The following MTSS1 variants were observed in gnomAD, a reference collection of about 807,000 sequenced individuals.
The protein encoded by MTSS1 is MTSS I-BAR domain containing 1, also known as protein MTSS 1.
A neutral mutation model predicts 79.0 loss-of-function variants in MTSS1; 18 were observed. The ratio of observed to expected loss-of-function variants is 0.23; its 90% CI spans 0.16 to 0.34. The LOEUF (loss-of-function observed/expected upper bound fraction) is 0.34. Among genes scored for constraint, MTSS1 ranks in the 10% least tolerant of loss-of-function variants. MTSS1 has a pLI of 1.00. For synonymous variants in MTSS1, 341 were observed against 368.6 expected (o/e 0.93, Z 0.86); for missense variants, 815 against 986.2 (o/e 0.83, Z 2.33).
chr8:124,596,309 A>C (rs1832753724), intron 3 of MTSS1, among the ~76,000 whole-genome samples: 1 of 146,664 alleles, frequency 6.8e-6, no homozygotes, highest in Non-Finnish European at 1.5e-5. Context: ...AAGAAATCTA[A>C]GTTGGTCACT....
intron 9 of MTSS1, 63 bp from the exon 10 acceptor site, chr8:124,563,055 AGAGGAAG>A (rs1342902903): frequency 2.1e-6 from 3 of 1,407,292 alleles, no homozygotes; most frequent in Non-Finnish European, 1.9e-6. Flanking sequence ...AGCAGTGGTA[AGAGGAAG>A]GAGGAAGGAG....
intron 4 of MTSS1, 90 bp from the exon 5 acceptor site, chr8:124,589,801 T>G: frequency 2.2e-6 from 2 of 923,794 alleles, no homozygotes; most frequent in Non-Finnish European, 3.5e-6. Context: ...CATACCTAAA[T>G]CACAATTACC....
chr8:124,596,644 G>A (rs751054582), intron 3 of MTSS1, among the ~76,000 whole-genome samples: 6 of 152,208 alleles, frequency 3.9e-5, no homozygotes, highest in Admixed American at 1.3e-4. Context: ...AACCCAAACT[G>A]GCTGGCTTAA....
In MTSS1 at chr8:124,552,643, T is replaced by C. The variant is rs1822708410; in HGVS notation, c.*349A>G. 4.2e-6 allele frequency: 1 copy of C among 236,292 alleles called. No homozygotes were observed. The highest frequency in any genetic ancestry group is 8.3e-6 in the Non-Finnish European group (1 of 120,942). The allele number at this position is 236,292 out of a possible 1,614,324, so 14.6% of individuals were successfully genotyped here. ...AGTATAGTAAATCCTTTTCTAAAAT[T>C]AACTACTTCGTGGTTCCCCTGCCCC... is the stretch of plus-strand genomic sequence containing the variant. On this transcript the variant is annotated 3_prime_UTR_variant, in exon 14 of 14. Transcript: ENST00000518547.
At chr8:124,586,279 C>T (rs1034549699) in intron 5 of MTSS1, among the ~76,000 whole-genome samples, 4 of 152,232 alleles carry the variant, frequency 2.6e-5, no homozygotes, top group African/African-American at 9.6e-5. Flanking sequence ...CCTGGAATCA[C>T]TGTGCAGCGT....
chr8:124,631,413 C>T (rs1029450587), intron 3 of MTSS1, among the ~76,000 whole-genome samples: 2 of 152,220 alleles, frequency 1.3e-5, no homozygotes, highest in Non-Finnish European at 2.9e-5. Flanking sequence ...AAAAGACGAG[C>T]GCTACACGAC....
In MTSS1 at chr8:124,562,989, G is replaced by A. The variant is rs985643809; in HGVS notation, c.828C>T (p.Ser276=). 6.2e-7 allele frequency: 1 copy of A among 1,605,522 alleles called. No homozygotes were observed. Among genetic ancestry groups the A allele is most frequent in the Non-Finnish European group, 8.5e-7 (1 of 1,176,658 alleles). Residue 276 remains serine (S), a synonymous_variant, in exon 10 of 14, where the codon AGC becomes AGT. Transcript: ENST00000518547. ...AGTCACTGCTGTTGACACTGTTCAG[G>A]CTGCTGTGGAGGACAAGCAGGGGTG... ...TMSRKSSVCS[S]LNSVNSSDSR... is the part of the protein sequence containing the mutation.
chr8:124,580,024 TAAG>T (rs1419451100), intron 6 of MTSS1: 1 of 152,444 alleles, frequency 6.6e-6, no homozygotes, highest in Non-Finnish European at 1.5e-5. Context: ...TCTACTGAAA[TAAG>T]AAATACTTTT....
intron 1 of MTSS1, among the ~76,000 whole-genome samples, chr8:124,718,898 G>A (rs755505013): frequency 1.1e-4 from 17 of 152,328 alleles, no homozygotes; most frequent in Non-Finnish European, 1.8e-4. Context: ...CTTCATGTCC[G>A]TGGCCAGGGC....
At chr8:124,704,393 G>A (rs1486123783) in intron 1 of MTSS1, among the ~76,000 whole-genome samples, 5 of 152,184 alleles carry the variant, frequency 3.3e-5, no homozygotes, top group Non-Finnish European at 7.3e-5. Context: ...CTATAATCTT[G>A]TAAATACTAC....
At chr8:124,651,892 C>T (rs1374070717) in intron 3 of MTSS1, among the ~76,000 whole-genome samples, 4 of 152,278 alleles carry the variant, frequency 2.6e-5, no homozygotes, top group South Asian at 2.1e-4. Context: ...CTCCCAGACC[C>T]CAGGGTTCCT....
chr8:124,556,465 G>A (rs1484801487), intron 11 of MTSS1, 60 bp from the exon 12 acceptor site: 4 of 1,504,450 alleles, frequency 2.7e-6, no homozygotes, highest in Non-Finnish European at 3.6e-6. Flanking sequence ...GGGCTGCGGG[G>A]ACCCCATAGA....
intron 6 of MTSS1, among the ~76,000 whole-genome samples, chr8:124,575,587 GT>G (rs1586927744): frequency 7.2e-5 from 11 of 151,824 alleles, no homozygotes; most frequent in Admixed American, 6.6e-4. Flanking sequence ...TGTTGTTGTT[GT>G]TTGTTTGTTT....
chr8:124,717,780 G>T (rs961219601), intron 1 of MTSS1, among the ~76,000 whole-genome samples: 2 of 152,156 alleles, frequency 1.3e-5, no homozygotes, highest in Non-Finnish European at 2.9e-5. Context: ...CTATACAAGA[G>T]AATTGACTTA....
chr8:124,556,420 T>C lies in MTSS1; in HGVS notation c.1231-15A>G, dbSNP rs1372376329. 1.6e-5 allele frequency: 26 copies of C among 1,596,786 alleles called. No individual in the cohort carries two copies. Among genetic ancestry groups the C allele is most frequent in the Non-Finnish European group, 2.1e-5 (25 of 1,170,564 alleles). ...TTAGCCCAGTCCTATGCAAAACAAG[T>C]GCGGTCAGGAGCCAGGGCCTCTGCC... On this transcript the variant is annotated splice_polypyrimidine_tract_variant and intron_variant, in intron 11 of 13. Coordinates refer to ENST00000518547, the MANE Select transcript of MTSS1 (RefSeq NM_014751.6).
At chr8:124,654,820 C>G (rs76734904) in intron 3 of MTSS1, among the ~76,000 whole-genome samples, 6,548 of 152,236 alleles carry the variant, frequency 0.043, 466 homozygotes, top group African/African-American at 0.15. Context: ...CATTCCTCAT[C>G]AGCCCTATGA....
At position 124,582,953 on chromosome 8, in the gene MTSS1, T is replaced by A. The variant is rs1830292818; in HGVS notation, c.460+2134A>T. ...AGTACCTTTCAGAAGGCTGCTTTCA[T>A]CCCAGAAATATACAAATAGAACACC... On this transcript the variant is annotated intron_variant, in intron 6 of 13. Transcript: ENST00000518547. The surrounding 1 kb of genome is among the most constrained non-coding windows in gnomAD (Gnocchi z 4.8). 1.3e-5 allele frequency among the ~76,000 whole-genome samples: 2 copies of A among 152,224 alleles called. No individual in the cohort carries two copies. Among genetic ancestry groups the A allele is most frequent in the African/African-American group, 4.8e-5 (2 of 41,448 alleles).
At chr8:124,673,861 AGT>A (rs1824769306) in intron 3 of MTSS1, among the ~76,000 whole-genome samples, 1 of 152,186 alleles carries the variant, frequency 6.6e-6, no homozygotes, top group Admixed American at 6.5e-5. Flanking sequence ...GCACAAGGTG[AGT>A]TGCTAATAAA....
chr8:124,615,748 A>G (rs774887943), intron 3 of MTSS1, among the ~76,000 whole-genome samples: 1 of 152,164 alleles, frequency 6.6e-6, no homozygotes. Flanking sequence ...AAAACCAATG[A>G]TCTCATTATA....
Sources: gnomAD v4.1 joint callset for allele counts (sites outside exome capture counted in the v4.1 genomes callset) on GRCh38, gnomAD v4.1.1 for gene constraint, Gnocchi (gnomAD v3.1) non-coding constraint, MANE v1.5 for transcripts, NCBI Gene and HGNC (gene_info 2026-07-23, HGNC 2026-07-21) for gene names.